Variants in THSD4 observed in about 807,000 individuals in gnomAD.
THSD4 encodes the protein thrombospondin type 1 domain containing 4.
In THSD4, 69 loss-of-function variants were observed where a neutral mutation model predicts 119.0. That is an observed-to-expected ratio of 0.58 (90% confidence interval 0.48 to 0.71). The LOEUF (loss-of-function observed/expected upper bound fraction) is 0.71. THSD4 is among the 30% of genes least tolerant of loss of function. The probability of loss-of-function intolerance (pLI) is 0.00; values close to 1 mark genes in which losing one functional copy is unlikely to be tolerated. For synonymous variants in THSD4, 524 were observed against 540.4 expected, an observed-to-expected ratio of 0.97 and a Z score of 0.42; for missense variants, 1,393 against 1,391.1, an observed-to-expected ratio of 1.00 and a Z score of -0.02.
At chr15:71,536,440 A>T (rs1383597614) in intron 7 of THSD4, among the ~76,000 whole-genome samples, 1 of 152,220 alleles carries the variant, frequency 6.6e-6, no homozygotes, top group Admixed American at 6.5e-5. Flanking sequence ...TCTGTATTTT[A>T]AAGTCATCAG....
chr15:71,387,253 T>A (rs894559797), intron 6 of THSD4, among the ~76,000 whole-genome samples: 5 of 151,956 alleles, frequency 3.3e-5, no homozygotes, highest in East Asian at 3.9e-4. Flanking sequence ...TCTTTTTGAC[T>A]GACATTGTTG....
chr15:71,282,866 G>A (rs1460797830), intron 6 of THSD4, among the ~76,000 whole-genome samples: 1 of 151,298 alleles, frequency 6.6e-6, no homozygotes, highest in Non-Finnish European at 1.5e-5. Flanking sequence ...TTAATTAATT[G>A]TAGTCACAAT....
chr15:71,150,072 T>G (rs1187244967), intron 2 of THSD4, among the ~76,000 whole-genome samples: 3 of 152,074 alleles, frequency 2.0e-5, no homozygotes, highest in Non-Finnish European at 4.4e-5. Context: ...GAATGTAGCT[T>G]CCCCCACGCC....
intron 3 of THSD4, among the ~76,000 whole-genome samples, chr15:71,188,107 A>C (rs1254783627): frequency 6.6e-6 from 1 of 152,188 alleles, no homozygotes; most frequent in African/African-American, 2.4e-5. Context: ...CATAAGATAA[A>C]AGGGGTGGAA....
intron 7 of THSD4, among the ~76,000 whole-genome samples, chr15:71,588,037 T>G (rs1410391692): frequency 6.6e-6 from 1 of 152,076 alleles, no homozygotes; most frequent in Non-Finnish European, 1.5e-5. Flanking sequence ...CCGGGCGCGG[T>G]GGCTCACGCC....
intron 7 of THSD4, among the ~76,000 whole-genome samples, chr15:71,504,339 T>C (rs771379964): frequency 2.0e-5 from 3 of 152,172 alleles, no homozygotes; most frequent in Non-Finnish European, 2.9e-5. Context: ...TTAAGGAAGC[T>C]GAGATAATTA....
At chr15:71,480,322 G>A (rs896831272) in intron 7 of THSD4, among the ~76,000 whole-genome samples, 1 of 152,104 alleles carries the variant, frequency 6.6e-6, no homozygotes, top group African/African-American at 2.4e-5. Flanking sequence ...ACAGGCATGT[G>A]CCACCATGCC....
chr15:71,170,793 A>G (rs966404911), intron 3 of THSD4, among the ~76,000 whole-genome samples: 2 of 152,224 alleles, frequency 1.3e-5, no homozygotes, highest in East Asian at 3.9e-4. Flanking sequence ...AAAAATTACT[A>G]AAACCATATT....
intron 7 of THSD4, among the ~76,000 whole-genome samples, chr15:71,649,827 C>G (rs1230397508): frequency 6.6e-6 from 1 of 152,124 alleles, no homozygotes; most frequent in Non-Finnish European, 1.5e-5. Flanking sequence ...TATGGCTAGC[C>G]AGTTATGGCA....
At chr15:71,158,764 A>T (rs2043225630) in intron 3 of THSD4, among the ~76,000 whole-genome samples, 1 of 151,434 alleles carries the variant, frequency 6.6e-6, no homozygotes. Context: ...TTGTCTTTTC[A>T]GTTTATTGTG....
chr15:71,736,203 GTC>G (rs2053100633), intron 10 of THSD4, among the ~76,000 whole-genome samples: 1 of 131,432 alleles, frequency 7.6e-6, no homozygotes, highest in African/African-American at 3.0e-5. Context: ...CTTGCTCTCT[GTC>G]TCTCTGTTGC....
At chr15:71,469,560 G>A (rs369266862) in intron 7 of THSD4, among the ~76,000 whole-genome samples, 2 of 152,108 alleles carry the variant, frequency 1.3e-5, no homozygotes, top group Admixed American at 6.5e-5. Context: ...GCCCCCTTCC[G>A]GCGAAGTGAG....
At chr15:71,404,398 A>G (rs1415114346) in intron 6 of THSD4, among the ~76,000 whole-genome samples, 1 of 152,218 alleles carries the variant, frequency 6.6e-6, no homozygotes, top group Non-Finnish European at 1.5e-5. Context: ...AAGATTTATC[A>G]ATGTTATAGC....
At chr15:71,368,179 T>C (rs1224083396) in intron 6 of THSD4, among the ~76,000 whole-genome samples, 1 of 152,266 alleles carries the variant, frequency 6.6e-6, no homozygotes, top group Non-Finnish European at 1.5e-5. Context: ...GGATTCTGGA[T>C]ATTAGCCCTT....
chr15:71,490,818 C>G (rs1204277648), intron 7 of THSD4, among the ~76,000 whole-genome samples: 1 of 152,120 alleles, frequency 6.6e-6, no homozygotes, highest in Non-Finnish European at 1.5e-5. Flanking sequence ...CTACCTGTTT[C>G]GGAAATAAAG....
intron 3 of THSD4, among the ~76,000 whole-genome samples, chr15:71,170,038 A>G (rs1447511546): frequency 1.3e-5 from 2 of 152,126 alleles, no homozygotes; most frequent in African/African-American, 4.8e-5. Flanking sequence ...GCCAGGCATG[A>G]TGGTGAGTGC....
At chr15:71,535,961 T>C (rs1178764356) in intron 7 of THSD4, among the ~76,000 whole-genome samples, 1 of 152,198 alleles carries the variant, frequency 6.6e-6, no homozygotes, top group Non-Finnish European at 1.5e-5. Flanking sequence ...TTTTTCCTTT[T>C]TCACTTGTGC....
At chr15:71,459,767 T>C (rs2047401898) in intron 7 of THSD4, among the ~76,000 whole-genome samples, 3 of 152,334 alleles carry the variant, frequency 2.0e-5, no homozygotes, top group Middle Eastern at 3.4e-3. Context: ...ATTTTTATTT[T>C]GTAAAGGATT....
chr15:71,214,159 T>TGTATAGCTAGAGGATTGTATATGC (rs2043909956), intron 3 of THSD4, among the ~76,000 whole-genome samples: 9 of 150,116 alleles, frequency 6.0e-5, no homozygotes, highest in African/African-American at 2.2e-4. Context: ...CAGCACTCTG[T>TGTATAGCTAGAGGATTGTATATGC]AAAATGGACC....
Sources: gnomAD v4.1 joint callset for allele counts (sites outside exome capture counted in the v4.1 genomes callset) on GRCh38, gnomAD v4.1.1 for gene constraint, MANE v1.5 for transcripts, NCBI Gene and HGNC (gene_info 2026-07-23, HGNC 2026-07-21) for gene names.